ARID4B: variants seen among roughly 807,000 people sequenced by gnomAD.
ARID4B encodes AT-rich interaction domain 4B, also known as AT-rich interactive domain-containing protein 4B.
Under a neutral mutation model 147.5 loss-of-function variants are expected in ARID4B, and 26 were observed. The ratio of observed to expected loss-of-function variants is 0.18; its 90% CI spans 0.13 to 0.24. The LOEUF (loss-of-function observed/expected upper bound fraction) is 0.24, where lower values mean the gene tolerates loss of function less well. Among genes scored for constraint, ARID4B ranks in the 10% least tolerant of loss-of-function variants. The probability of loss-of-function intolerance (pLI) is 1.00; values close to 1 mark genes in which losing one functional copy is unlikely to be tolerated. For synonymous variants in ARID4B, 512 were observed against 507.9 expected (o/e 1.01, Z -0.11); for missense variants, 1,179 against 1,511.5 (o/e 0.78, Z 3.65).
chr1:235,174,949 C>CA (rs924073147), intron 22 of ARID4B, among the ~76,000 whole-genome samples: 3 of 151,884 alleles, frequency 2.0e-5, no homozygotes, highest in East Asian at 1.9e-4. Context: ...ACTAAACACA[C>CA]AAAAAAATTA....
At chr1:235,295,191 G>A (rs1024870660) in intron 2 of ARID4B, among the ~76,000 whole-genome samples, 10 of 152,010 alleles carry the variant, frequency 6.6e-5, no homozygotes, top group Non-Finnish European at 1.2e-4. Flanking sequence ...ATGTTGTTAG[G>A]AACCAACATT....
At chr1:235,173,743 A>T (rs1217282491) in intron 22 of ARID4B, among the ~76,000 whole-genome samples, 14 of 14,170 alleles carry the variant, frequency 9.9e-4, no homozygotes, top group African/African-American at 3.3e-3. Context: ...GTCTCTATTT[A>T]AAAAAAAAAA....
In ARID4B at chr1:235,174,042, CT is replaced by C. The variant is rs753651970; in HGVS notation, c.3664+1141del. ...ATTACCGACATCATATCAGAAGTAT[CT>C]TTTTTTTTTTTTCTGGGATGGGGTC... On this transcript the variant is annotated intron_variant, in intron 22 of 23. Coordinates refer to ENST00000264183, the MANE Select transcript of ARID4B (RefSeq NM_016374.6). Among the ~76,000 whole-genome samples the C allele has an allele frequency of 4.7e-3, 662 of 142,100 alleles. 3 individuals carry two copies. The highest frequency in any genetic ancestry group is 0.013 in the African/African-American group (526 of 39,172). 93.2% of individuals were successfully genotyped at this position (142,100 alleles called of 152,430 possible).
intron 2 of ARID4B, among the ~76,000 whole-genome samples, chr1:235,319,362 GT>G (rs1327233816): frequency 6.6e-6 from 1 of 151,938 alleles, no homozygotes; most frequent in African/African-American, 2.4e-5. Context: ...AAATTTAAAA[GT>G]TAGCTGGGCA....
chr1:235,245,219 A>G (rs574424534), intron 7 of ARID4B, among the ~76,000 whole-genome samples: 1 of 152,346 alleles, frequency 6.6e-6, no homozygotes, highest in South Asian at 2.1e-4. Flanking sequence ...TGGAGTCTTT[A>G]GAAAGCAAAG....
intron 17 of ARID4B, among the ~76,000 whole-genome samples, chr1:235,200,909 C>T (rs1426665238): frequency 6.6e-6 from 1 of 151,976 alleles, no homozygotes; most frequent in South Asian, 2.1e-4. Context: ...TTTGGGAGGC[C>T]GAGGAGGGCG....
At chr1:235,174,456 C>A (rs1018998663) in intron 22 of ARID4B, among the ~76,000 whole-genome samples, 50 of 152,110 alleles carry the variant, frequency 3.3e-4, no homozygotes, top group African/African-American at 1.2e-3. Context: ...TACATTAGTA[C>A]ATCTATTAAG....
At chr1:235,168,909 G>A (rs910713819) in intron 23 of ARID4B, among the ~76,000 whole-genome samples, 4 of 152,142 alleles carry the variant, frequency 2.6e-5, no homozygotes, top group African/African-American at 7.2e-5. Flanking sequence ...GTCAAAGAGG[G>A]AAAGAACTGT....
chr1:235,209,754 A>G (rs1462188024), intron 17 of ARID4B, among the ~76,000 whole-genome samples: 1 of 151,618 alleles, frequency 6.6e-6, no homozygotes, highest in Non-Finnish European at 1.5e-5. Flanking sequence ...AGTAGAGATG[A>G]GGTTTCGCCA....
intron 2 of ARID4B, among the ~76,000 whole-genome samples, chr1:235,300,406 G>A (rs1293426565): frequency 7.4e-6 from 1 of 135,008 alleles, no homozygotes; most frequent in East Asian, 2.3e-4. Context: ...GACAGAATGA[G>A]ACTCCGTCTC....
At chr1:235,286,467 A>C (rs1272691557) in intron 2 of ARID4B, among the ~76,000 whole-genome samples, 2 of 152,202 alleles carry the variant, frequency 1.3e-5, no homozygotes, top group Non-Finnish European at 2.9e-5. Flanking sequence ...TTACCATATG[A>C]AGTTAACTAC....
intron 17 of ARID4B, among the ~76,000 whole-genome samples, chr1:235,201,282 A>G (rs979091926): frequency 3.3e-5 from 5 of 152,198 alleles, no homozygotes; most frequent in Admixed American, 2.6e-4. Context: ...GTCAAGTAAG[A>G]TATCTATTCA....
intron 2 of ARID4B, among the ~76,000 whole-genome samples, chr1:235,277,677 C>A (rs1337168716): frequency 3.4e-5 from 5 of 145,832 alleles, no homozygotes; most frequent in African/African-American, 2.6e-5. Flanking sequence ...CTCCTGATGA[C>A]CTTGCCCAGC....
chr1:235,293,440 T>C (rs1263709344), intron 2 of ARID4B, among the ~76,000 whole-genome samples: 1 of 152,218 alleles, frequency 6.6e-6, no homozygotes, highest in Non-Finnish European at 1.5e-5. Flanking sequence ...TATTAACTTG[T>C]TACAGGTCTT....
intron 17 of ARID4B, 32 bp downstream of exon 17, chr1:235,213,737 A>C: frequency 1.3e-6 from 2 of 1,576,062 alleles, no homozygotes; most frequent in Non-Finnish European, 1.7e-6. Context: ...AATTGTTTTT[A>C]GGTAATAATC....
intron 2 of ARID4B, among the ~76,000 whole-genome samples, chr1:235,324,497 A>G (rs1675083901): frequency 1.3e-5 from 2 of 152,240 alleles, no homozygotes; most frequent in South Asian, 4.1e-4. Flanking sequence ...AATCACCTCA[A>G]TAAACTGTCA....
At chr1:235,246,362 C>T in intron 7 of ARID4B, 58 bp downstream of exon 7, 1 of 1,344,904 alleles carries the variant, frequency 7.4e-7, no homozygotes, top group Non-Finnish European at 1.1e-6. Flanking sequence ...TAACTATAAA[C>T]AATACTAGAA....
At chr1:235,309,198 C>T (rs1272058075) in intron 2 of ARID4B, among the ~76,000 whole-genome samples, 4 of 150,790 alleles carry the variant, frequency 2.7e-5, no homozygotes, top group Non-Finnish European at 5.9e-5. Flanking sequence ...GCGTCTCTGC[C>T]CGGCCGCCCC....
intron 23 of ARID4B, among the ~76,000 whole-genome samples, chr1:235,170,709 G>C (rs1663277701): frequency 6.6e-6 from 1 of 151,948 alleles, no homozygotes; most frequent in African/African-American, 2.4e-5. Flanking sequence ...CTACACTCCA[G>C]CCTGGATGAC....
Sources: allele counts gnomAD v4.1 joint callset (sites outside exome capture counted in the v4.1 genomes callset), GRCh38; gene constraint gnomAD v4.1.1; transcripts MANE v1.5; gene names NCBI Gene and HGNC (gene_info 2026-07-23, HGNC 2026-07-21).